Variants in OTOF observed in about 807,000 individuals in gnomAD.
The protein encoded by OTOF is otoferlin, also known as fer-1-like family member 2.
In OTOF, 218 loss-of-function variants were observed where a neutral mutation model predicts 236.8. The ratio of observed to expected loss-of-function variants is 0.92; its 90% CI spans 0.82 to 1.03. The LOEUF (loss-of-function observed/expected upper bound fraction) is 1.03. OTOF is among the 50% of genes least tolerant of loss of function. OTOF has a pLI of 0.00. For synonymous variants in OTOF, 1,041 were observed against 1,072.5 expected (o/e 0.97, Z 0.57); for missense variants, 2,590 against 2,694.4 (o/e 0.96, Z 0.86).
chr2:26,541,576 T>C (rs187182315), intron 1 of OTOF, among the ~76,000 whole-genome samples: 2 of 152,264 alleles, frequency 1.3e-5, no homozygotes, highest in Admixed American at 1.3e-4. Flanking sequence ...ATTCAAGTGG[T>C]TCTGTTCTGT....
At chr2:26,525,630 G>A (rs991243153) in intron 3 of OTOF, among the ~76,000 whole-genome samples, 1 of 152,144 alleles carries the variant, frequency 6.6e-6, no homozygotes, top group Admixed American at 6.5e-5. Flanking sequence ...TTCACTATAT[G>A]TATGATGAGT....
chr2:26,495,720 C>G (rs770665230), intron 8 of OTOF, among the ~76,000 whole-genome samples: 4 of 152,204 alleles, frequency 2.6e-5, no homozygotes, highest in Non-Finnish European at 5.9e-5. Context: ...GCCACCGTGC[C>G]CAGGCTGGAA....
intron 14 of OTOF, among the ~76,000 whole-genome samples, chr2:26,481,835 T>C (rs1334570707): frequency 6.6e-6 from 1 of 152,188 alleles, no homozygotes; most frequent in African/African-American, 2.4e-5. Context: ...CATACATGGA[T>C]CAGACAACAT....
In OTOF at chr2:26,500,442, T is replaced by G. The variant is rs534030704; in HGVS notation, c.765+1312A>C. On this transcript the variant is annotated intron_variant, in intron 8 of 46. Transcript: ENST00000272371. The stretch of plus-strand genomic sequence containing the variant: ...TACCTGAGTTGGGGTCGTTGTTCTT[T>G]GGAATTCTCCAGTTCTCAGCACACA... 2.6e-5 allele frequency among the ~76,000 whole-genome samples: 4 copies of G among 152,344 alleles called. No homozygotes were observed. The East Asian group carries it at 7.7e-4, about 29-fold the overall frequency.
At chr2:26,512,842 G>C (rs1188681659) in intron 5 of OTOF, among the ~76,000 whole-genome samples, 1 of 152,142 alleles carries the variant, frequency 6.6e-6, no homozygotes, top group Non-Finnish European at 1.5e-5. Flanking sequence ...CAGGCACAGG[G>C]GTGGATGACT....
At chr2:26,463,804 C>T (rs1159965235) in intron 40 of OTOF, among the ~76,000 whole-genome samples, 160 bp downstream of exon 40, 1 of 152,230 alleles carries the variant, frequency 6.6e-6, no homozygotes, top group Non-Finnish European at 1.5e-5. Context: ...AGACCCTTGC[C>T]ATTCAAGTTA....
At chr2:26,463,202 T>C (rs1268073894) in intron 41 of OTOF, among the ~76,000 whole-genome samples, 1 of 152,112 alleles carries the variant, frequency 6.6e-6, no homozygotes. Flanking sequence ...GTAGATACAA[T>C]GCACCGGAGT....
chr2:26,473,177 T>G lies in OTOF; in HGVS notation c.3688A>C (p.Ile1230Leu), dbSNP rs1228398927. ...GCCGAGCGGTCTGGGGGCCGGTAGA[T>G]GAAGCGTCGCAGGGAGCTGACGGCA... ...SHAVSSLRRFIYRPPDRSAPS... is the reference protein window; with the variant it reads ...SHAVSSLRRFLYRPPDRSAPS... The change falls in exon 29 of 47, where the codon ATC (isoleucine) becomes CTC (leucine). Residue 1230 changes from isoleucine (I) to leucine (L), a missense_variant. Physicochemically the swap from Ile to Leu is conservative, Grantham distance 5. Around this residue, in one of 2 missense-constraint regions of OTOF, gnomAD observed 1,211 missense variants for 1,352.8 expected, o/e 0.90. Transcript: ENST00000272371. This position sits in a 1 kb window ranked among gnomAD's most constrained non-coding sequence, Gnocchi z 7.2. The G allele has an allele frequency of 3.7e-6, 6 of 1,612,918 alleles. No individual in the cohort carries two copies. Among genetic ancestry groups the G allele is most frequent in the Non-Finnish European group, 5.1e-6 (6 of 1,179,942 alleles).
In OTOF at chr2:26,477,180, C is replaced by T; in HGVS notation, c.2515G>A (p.Ala839Thr). ...QNFLQKLRFLADEPQHSIPDI... is the reference protein window; with the variant it reads ...QNFLQKLRFLTDEPQHSIPDI... The stretch of plus-strand genomic sequence containing the variant: ...GACCCCTTGGGCCGCACCTCGTCCG[C>T]CAGGAAGCGCAGCTTCTGCAGGAAG... Residue 839 changes from alanine to threonine, a missense_variant, in exon 21 of 47, where the codon GCG (alanine) becomes ACG (threonine). Physicochemically the swap from Ala to Thr is moderately conservative, Grantham distance 58. Coordinates refer to ENST00000272371, the MANE Select transcript of OTOF (RefSeq NM_194248.3). This position sits in a 1 kb window ranked among gnomAD's most constrained non-coding sequence, Gnocchi z 4.7. 6.2e-7 allele frequency: 1 copy of T among 1,610,362 alleles called. No homozygotes were observed. The highest frequency in any genetic ancestry group is 8.5e-7 in the Non-Finnish European group (1 of 1,179,530).
chr2:26,550,040 T>G (rs568745807), intron 1 of OTOF, among the ~76,000 whole-genome samples: 2 of 152,028 alleles, frequency 1.3e-5, no homozygotes, highest in East Asian at 3.9e-4. Context: ...GTGACTCTTT[T>G]ACTCTCCGAT....
In OTOF at chr2:26,477,389, G is replaced by A. The variant is rs550727952; in HGVS notation, c.2406+27C>T. The A allele has an allele frequency of 1.3e-5, 21 of 1,568,128 alleles. No individual in the cohort carries two copies. Among genetic ancestry groups the A allele is most frequent in the African/African-American group, 4.1e-5 (3 of 74,050 alleles). ...TTCTCACAACCAGGCCCTCCCTCCA[G>A]CCCCCGCCGTCCAGTTGCGTCCTCA... On this transcript the variant is annotated intron_variant, in intron 20 of 46. Coordinates refer to ENST00000272371, the MANE Select transcript of OTOF (RefSeq NM_194248.3). This position sits in a 1 kb window ranked among gnomAD's most constrained non-coding sequence, Gnocchi z 4.7.
At chr2:26,530,767 C>T (rs890745098) in intron 2 of OTOF, among the ~76,000 whole-genome samples, 1 of 152,136 alleles carries the variant, frequency 6.6e-6, no homozygotes, top group East Asian at 1.9e-4. Flanking sequence ...CTCAGGGGTT[C>T]TTCATCTTGG....
intron 4 of OTOF, 103 bp downstream of exon 4, chr2:26,518,907 C>T: frequency 3.7e-6 from 3 of 814,100 alleles, no homozygotes; most frequent in South Asian, 1.4e-5. Flanking sequence ...CCTCGCCATG[C>T]ATGAGAGGCA....
rs527836532 is a variant in OTOF, at chr2:26,558,695, C to T, written c.-124G>A. The T allele has an allele frequency of 1.1e-4, 86 of 812,636 alleles. No individual in the cohort carries two copies. The highest frequency in any genetic ancestry group is 9.9e-4 in the African/African-American group (58 of 58,862). The allele number at this position is 812,636 out of a possible 1,614,324, so 50.3% of individuals were successfully genotyped here. A position where few individuals can be genotyped will look rare whatever the true frequency, so the allele number is the denominator to read the frequency against. The stretch of plus-strand genomic sequence containing the variant: ...CCTCCTCCTCCTCCCGACCCCCCTC[C>T]GATGCTGCCCACAGAGACCAAGGCA... On this transcript the variant is annotated 5_prime_UTR_variant, in exon 1 of 47. Coordinates refer to ENST00000272371, the MANE Select transcript of OTOF (RefSeq NM_194248.3).
In OTOF at chr2:26,461,121, CTGAGTGCAG is replaced by C. The variant is rs934572061; in HGVS notation, c.5534-100_5534-92del. ...TCTGGGCTCCTCGGCCCCTTGTTTG[CTGAGTGCAG>C]ACCTCCCTGAGCCCACATCTCATCC... On this transcript the variant is annotated intron_variant, in intron 43 of 46. Coordinates refer to ENST00000272371, the MANE Select transcript of OTOF (RefSeq NM_194248.3). This position sits in a 1 kb window ranked among gnomAD's most constrained non-coding sequence, Gnocchi z 6.2. 2 of 1,101,558 alleles carry C rather than the reference CTGAGTGCAG, an allele frequency of 1.8e-6. No homozygotes were observed. Among genetic ancestry groups the C allele is most frequent in the African/African-American group, 3.1e-5 (2 of 64,602 alleles). The allele number at this position is 1,101,558 out of a possible 1,614,324, so 68.2% of individuals were successfully genotyped here.
chr2:26,551,627 C>A (rs1456676095), intron 1 of OTOF, among the ~76,000 whole-genome samples: 1 of 152,238 alleles, frequency 6.6e-6, no homozygotes, highest in Non-Finnish European at 1.5e-5. Context: ...GGAACCACAT[C>A]TGTCTCATTC....
Position 26,527,832 on chromosome 2 carries a change from T to C in OTOF, c.227A>G (p.Lys76Arg), listed in dbSNP as rs759954218. 1 of 1,610,136 alleles carries C rather than the reference T, an allele frequency of 6.2e-7. No homozygotes were observed. The highest frequency in any genetic ancestry group is 2.2e-5 in the East Asian group (1 of 44,858). ...VFNYSKVFSN[K>R]LIGTFRMVLQ... ...CCCTCCTGCCCCATCCCACACTTAC[T>C]TGTTGCTGAAGACTTTGCTGTAGTT... Residue 76 changes from lysine (K) to arginine (R), a missense_variant and splice_region_variant, in exon 3 of 47, where the codon AAG (lysine) becomes AGG (arginine). Lys to Arg is a conservative substitution (Grantham distance 26). Around this residue, in one of 2 missense-constraint regions of OTOF, gnomAD observed 1,379 missense variants for 1,341.6 expected, o/e 1.03. Coordinates refer to ENST00000272371, the MANE Select transcript of OTOF (RefSeq NM_194248.3).
chr2:26,538,816 AT>A (rs35315095), intron 1 of OTOF, among the ~76,000 whole-genome samples: 209 of 138,724 alleles, frequency 1.5e-3, no homozygotes, highest in African/African-American at 3.1e-3. Flanking sequence ...GGGAAACACC[AT>A]TTTTTTTTTT....
At position 26,482,503 on chromosome 2, in the gene OTOF, G is replaced by C. The variant is rs1279674609; in HGVS notation, c.1482C>G (p.Arg494=). 6.2e-7 allele frequency: 1 copy of C among 1,613,380 alleles called. No individual in the cohort carries two copies. Among genetic ancestry groups the C allele is most frequent in the South Asian group, 1.1e-5 (1 of 91,088 alleles). ...FTDLFPPLCK[R]MKVQIRDSDK... Reference sequence around the variant, plus strand: ...CCGAGTCTCGGATCTGCACCTTCATGCGTTTGCAGAGTGGGGGGAAGAGGT... The same window carrying C: ...CCGAGTCTCGGATCTGCACCTTCATCCGTTTGCAGAGTGGGGGGAAGAGGT... The change falls in exon 14 of 47, where the codon CGC becomes CGG. Residue 494 remains arginine, a synonymous_variant. Coordinates refer to ENST00000272371, the MANE Select transcript of OTOF (RefSeq NM_194248.3).
Sources: gnomAD v4.1 joint callset for allele counts (sites outside exome capture counted in the v4.1 genomes callset) on GRCh38, gnomAD v4.1.1 for gene constraint, gnomAD v4.1.1 regional missense constraint, Gnocchi (gnomAD v3.1) non-coding constraint, MANE v1.5 for transcripts, NCBI Gene and HGNC (gene_info 2026-07-23, HGNC 2026-07-21) for gene names.